Variants in MTERF4 observed in about 807,000 individuals in gnomAD.
MTERF4 encodes transcription termination factor 4, mitochondrial.
Under a neutral mutation model 22.5 loss-of-function variants are expected in MTERF4, and 17 were observed. The ratio of observed to expected loss-of-function variants is 0.75; its 90% CI spans 0.52 to 1.13. The LOEUF (loss-of-function observed/expected upper bound fraction) is 1.13. MTERF4 is among the 50% of genes most tolerant of loss of function. The pLI, the probability that MTERF4 is intolerant of heterozygous loss-of-function variation, is 0.00. For synonymous variants in MTERF4, 165 were observed against 175.3 expected, an observed-to-expected ratio of 0.94 and a Z score of 0.47; for missense variants, 420 against 466.8, an observed-to-expected ratio of 0.90 and a Z score of 0.92.
the MTERF4 span, chr2:241,064,765 G>A: frequency 7.8e-6 from 8 of 1,024,222 alleles, no homozygotes; most frequent in African/African-American, 1.7e-5. The surrounding 1 kb of genome is among the most constrained non-coding windows in gnomAD (Gnocchi z 7.0). Context: ...GGGACCCAGT[G>A]CCCCAGGAGC....
In MTERF4 at chr2:241,073,418, C is replaced by A. The variant is rs556861219; in HGVS notation, n.2744G>T. 5.9e-5 allele frequency: 84 copies of A among 1,432,128 alleles called. No homozygotes were observed. In the Middle Eastern group the frequency reaches 1.7e-3, roughly 30 times the overall value. The allele number at this position is 1,432,128 out of a possible 1,614,324, so 88.7% of individuals were successfully genotyped here. A position where few individuals can be genotyped will look rare whatever the true frequency, so the allele number is the denominator to read the frequency against. On this transcript the variant is annotated non_coding_transcript_exon_variant, in exon 5 of 5. Transcript: ENST00000464344. This position sits in a 1 kb window ranked among gnomAD's most constrained non-coding sequence, Gnocchi z 6.6. ...GGGACTGACTGACTGCTCTCAGGGG[C>A]CTTAGAGGCTGCAGGCAGGAGGGAC...
At chr2:241,083,095 G>A (rs1263002363), downstream of MTERF4, among the ~76,000 whole-genome samples, 1 of 152,198 alleles carries the variant, frequency 6.6e-6, no homozygotes, top group Non-Finnish European at 1.5e-5. Context: ...TGTGTGGTGT[G>A]GCAGGTGGTG....
Position 241,095,830 on chromosome 2 carries a change from G to A in MTERF4, c.*168C>T, listed in dbSNP as rs963222283. 8 of 1,279,700 alleles carry A rather than the reference G, an allele frequency of 6.3e-6. No individual in the cohort carries two copies. The Admixed American group carries it at 1.9e-4, about 30-fold the overall frequency. The allele number at this position is 1,279,700 out of a possible 1,614,324, so 79.3% of individuals were successfully genotyped here. On this transcript the variant is annotated 3_prime_UTR_variant, in exon 4 of 4. Coordinates refer to ENST00000391980, the MANE Select transcript of MTERF4 (RefSeq NM_182501.4). Reference sequence around the variant, plus strand: ...ACATGCATTTCCTGTTTCCTGTTTGGTTTGATCTGTCTGCCTCTCAGGTGA... The same window carrying A: ...ACATGCATTTCCTGTTTCCTGTTTGATTTGATCTGTCTGCCTCTCAGGTGA...
At position 241,102,280 on chromosome 2, in the gene MTERF4, G is replaced by C; in HGVS notation, c.-7C>G. On this transcript the variant is annotated 5_prime_UTR_variant, in exon 1 of 4. Coordinates refer to ENST00000391980, the MANE Select transcript of MTERF4 (RefSeq NM_182501.4). ...GACGGCCGAACGCAGCCATAGCGCG[G>C]AGAAGATGGCAGCAGTTACGGCGCC... 3.2e-6 allele frequency: 5 copies of C among 1,549,388 alleles called. No individual in the cohort carries two copies. Among genetic ancestry groups the C allele is most frequent in the Non-Finnish European group, 4.4e-6 (5 of 1,145,914 alleles).
At chr2:241,072,484 C>G (rs1159059844) in exon 5 of MTERF4, 1 of 343,916 alleles carries the variant, frequency 2.9e-6, no homozygotes, top group Non-Finnish European at 5.7e-6. Flanking sequence ...TGGCCCTTGC[C>G]TCTCACCTGG....
chr2:241,102,113 G>A (rs540280966), intron 1 of MTERF4, 140 bp downstream of exon 1: 157 of 1,177,764 alleles, frequency 1.3e-4, no homozygotes, highest in Non-Finnish European at 1.8e-4. Flanking sequence ...GGTCCAGGAT[G>A]CCAAAACCAG....
chr2:241,071,984 C>T (rs1350280582), downstream of MTERF4: 4 of 998,188 alleles, frequency 4.0e-6, no homozygotes, highest in East Asian at 2.6e-5. Flanking sequence ...CCACCGCCAG[C>T]GCAGTCTCCA....
chr2:241,077,078 C>CA (rs377757851), intron 4 of MTERF4, among the ~76,000 whole-genome samples: 24,541 of 114,272 alleles, frequency 0.21, 2,556 homozygotes, highest in East Asian at 0.34. Flanking sequence ...GACTCCGTCT[C>CA]AAAAAAAAAA....
chr2:241,050,555 C>T, the MTERF4 span, among the ~76,000 whole-genome samples: 15 of 152,328 alleles, frequency 9.8e-5, no homozygotes, highest in Admixed American at 3.3e-4. Flanking sequence ...GAGCCTTCCA[C>T]GGCCCCTCCC....
chr2:241,077,392 G>A (rs1163102888), intron 4 of MTERF4, among the ~76,000 whole-genome samples: 1 of 152,114 alleles, frequency 6.6e-6, no homozygotes, highest in East Asian at 1.9e-4. Flanking sequence ...ATAAAAGTAT[G>A]AGCAACAACA....
chr2:241,066,129 A>T, the MTERF4 span, among the ~76,000 whole-genome samples: 1 of 152,150 alleles, frequency 6.6e-6, no homozygotes, highest in African/African-American at 2.4e-5. Flanking sequence ...CTCCACCTGG[A>T]GCTGGCACTG....
downstream of MTERF4, chr2:241,071,649 C>T (rs1311302902): frequency 1.3e-6 from 2 of 1,573,320 alleles, no homozygotes; most frequent in African/African-American, 2.7e-5. Context: ...ACAGACCGCC[C>T]CCGGCGCGCC....
downstream of MTERF4, among the ~76,000 whole-genome samples, chr2:241,084,433 C>T (rs565413941): frequency 1.3e-5 from 2 of 152,186 alleles, no homozygotes; most frequent in East Asian, 3.9e-4. Context: ...GGATTACAGG[C>T]GTGAGTGACT....
the MTERF4 span, among the ~76,000 whole-genome samples, chr2:241,061,751 G>C: frequency 1.3e-5 from 2 of 151,926 alleles, no homozygotes; most frequent in Non-Finnish European, 2.9e-5. Context: ...CGGGCATGGT[G>C]GTGGGCGCCT....
downstream of MTERF4, chr2:241,094,510 C>A: frequency 2.4e-6 from 1 of 425,020 alleles, no homozygotes; most frequent in Non-Finnish European, 4.9e-6. The surrounding 1 kb of genome is among the most constrained non-coding windows in gnomAD (Gnocchi z 4.3). Flanking sequence ...CAGGGGTATT[C>A]CAGTGCATAG....
At chr2:241,059,636 GTCAA>G in the MTERF4 span, among the ~76,000 whole-genome samples, 6 of 152,112 alleles carry the variant, frequency 3.9e-5, no homozygotes, top group African/African-American at 1.2e-4. Context: ...AACTTTTAAT[GTCAA>G]TCAATGTACT....
At chr2:241,084,010 C>CTGGT (rs1361442263), downstream of MTERF4, among the ~76,000 whole-genome samples, 1 of 151,842 alleles carries the variant, frequency 6.6e-6, no homozygotes, top group African/African-American at 2.4e-5. Context: ...TATGGGCTTA[C>CTGGT]TGGTTATACT....
chr2:241,086,984 G>A (rs1015487887), downstream of MTERF4: 6 of 160,646 alleles, frequency 3.7e-5, no homozygotes, highest in Non-Finnish European at 8.1e-5. Context: ...TCCGAATCCC[G>A]AATCCCCAAC....
chr2:241,081,196 C>G (rs1035764803), intron 4 of MTERF4, among the ~76,000 whole-genome samples: 31 of 152,218 alleles, frequency 2.0e-4, no homozygotes, highest in Non-Finnish European at 4.3e-4. Context: ...GCACCTCTCT[C>G]TAGTGAGAGT....
Sources: gnomAD v4.1 joint callset for allele counts (sites outside exome capture counted in the v4.1 genomes callset) on GRCh38, gnomAD v4.1.1 for gene constraint, Gnocchi (gnomAD v3.1) non-coding constraint, MANE v1.5 for transcripts, NCBI Gene and HGNC (gene_info 2026-07-23, HGNC 2026-07-21) for gene names.